CDCA8: variants seen among roughly 807,000 people sequenced by gnomAD.
CDCA8 encodes cell division cycle associated 8, also known as borealin.
In CDCA8, 25 loss-of-function variants were observed where a neutral mutation model predicts 40.0. The observed-to-expected ratio is 0.63, with a 90% CI of 0.46 to 0.87. The LOEUF (loss-of-function observed/expected upper bound fraction) is 0.87. CDCA8 is among the 40% of genes least tolerant of loss of function. CDCA8 has a pLI of 0.00. For missense variants in CDCA8, 280 were observed against 348.4 expected (o/e 0.80, Z 1.56); for synonymous variants, 111 against 126.5 (o/e 0.88, Z 0.82).
At chr1:37,699,322 A>G (rs79898643) in intron 4 of CDCA8, among the ~76,000 whole-genome samples, 3,298 of 152,300 alleles carry the variant, frequency 0.022, 129 homozygotes, top group East Asian at 0.14. Context: ...AATAGATGAC[A>G]AGATTTAGAG....
chr1:37,704,041 C>T (rs925035775), intron 7 of CDCA8, among the ~76,000 whole-genome samples: 5 of 152,126 alleles, frequency 3.3e-5, no homozygotes, highest in Admixed American at 2.0e-4. Flanking sequence ...GCAACCTTGA[C>T]TTCCCGGGCT....
At chr1:37,705,393 G>T in intron 7 of CDCA8, 48 bp from the exon 8 acceptor site, 1 of 1,596,698 alleles carries the variant, frequency 6.3e-7, no homozygotes, top group East Asian at 2.2e-5. Context: ...ATAGAGTTTG[G>T]TGTCATCCAA....
At chr1:37,706,724 G>A (rs545746515) in intron 8 of CDCA8, among the ~76,000 whole-genome samples, 2 of 152,358 alleles carry the variant, frequency 1.3e-5, no homozygotes, top group Admixed American at 6.5e-5. Flanking sequence ...AGGGGAGGAC[G>A]GTTTGTTTCA....
intron 2 of CDCA8, among the ~76,000 whole-genome samples, chr1:37,695,172 A>G (rs1030314233): frequency 1.3e-5 from 2 of 151,916 alleles, no homozygotes; most frequent in Non-Finnish European, 2.9e-5. Flanking sequence ...GCAACATAAC[A>G]AGACCATATC....
rs1645556413 is a variant in CDCA8 at position 37,700,476 on chromosome 1, G to A, written c.378G>A (p.Glu126=). Residue 126 remains glutamate, a synonymous_variant, in exon 5 of 10, where the codon GAG becomes GAA. Coordinates refer to ENST00000373055, the MANE Select transcript of CDCA8 (RefSeq NM_001256875.2). ...VIQVDEMIVE[E]EEEEENERKN... ...AGGTAGATGAAATGATAGTGGAAGA[G>A]GAAGAAGAAGAAGAAAATGAACGTA... is the stretch of plus-strand genomic sequence containing the variant. 2 of 1,611,236 alleles carry A rather than the reference G, an allele frequency of 1.2e-6. No individual in the cohort carries two copies. Among genetic ancestry groups the A allele is most frequent in the Non-Finnish European group, 1.7e-6 (2 of 1,177,566 alleles).
intron 4 of CDCA8, among the ~76,000 whole-genome samples, chr1:37,700,147 C>T (rs1645554192): frequency 6.6e-6 from 1 of 152,110 alleles, no homozygotes; most frequent in South Asian, 2.1e-4. Flanking sequence ...AACATCCTGA[C>T]CCATGGCCAG....
At position 37,703,357 on chromosome 1, in the gene CDCA8, G is replaced by A. The variant is rs201317686; in HGVS notation, c.584+10G>A. On this transcript the variant is annotated intron_variant, in intron 7 of 9. Coordinates refer to ENST00000373055, the MANE Select transcript of CDCA8 (RefSeq NM_001256875.2). ...CCAGGTTTGACTCAAGGTGAGTATC[G>A]AGGGAAACACTTGGATTTGATGGGA... The A allele has an allele frequency of 1.9e-5, 31 of 1,591,630 alleles. No homozygotes were observed. The East Asian group carries it at 2.5e-4, about 13-fold the overall frequency.
Position 37,700,422 on chromosome 1 carries a change from A to G in CDCA8, c.338-14A>G. 6.5e-7 allele frequency: 1 copy of G among 1,528,442 alleles called. No homozygotes were observed. 94.7% of individuals were successfully genotyped at this position (1,528,442 alleles called of 1,614,324 possible). A position where few individuals can be genotyped will look rare whatever the true frequency, so the allele number is the denominator to read the frequency against. ...TCATCAGAAATACCACCCTGTTGAA[A>G]CTGTTTCTTACAGCACGAAAGGTAA... is the stretch of plus-strand genomic sequence containing the variant. On this transcript the variant is annotated splice_polypyrimidine_tract_variant and intron_variant, in intron 4 of 9. Coordinates refer to ENST00000373055, the MANE Select transcript of CDCA8 (RefSeq NM_001256875.2).
At chr1:37,705,975 A>G (rs1464291853) in intron 8 of CDCA8, among the ~76,000 whole-genome samples, 1 of 150,490 alleles carries the variant, frequency 6.6e-6, no homozygotes, top group Non-Finnish European at 1.5e-5. Context: ...ATGCCCAGCT[A>G]ACTTTTGTAT....
chr1:37,699,658 G>A (rs1324667063), intron 4 of CDCA8, among the ~76,000 whole-genome samples: 3 of 152,074 alleles, frequency 2.0e-5, no homozygotes, highest in South Asian at 4.1e-4. Context: ...GGTGGCTCAC[G>A]CCTGTAATCC....
At chr1:37,706,021 G>A (rs1645598100) in intron 8 of CDCA8, among the ~76,000 whole-genome samples, 1 of 151,366 alleles carries the variant, frequency 6.6e-6, no homozygotes, top group Admixed American at 6.6e-5. Flanking sequence ...ACGTTGGCCA[G>A]GATGGTCTCG....
intron 2 of CDCA8, among the ~76,000 whole-genome samples, chr1:37,693,677 G>C (rs1255229275): frequency 2.0e-5 from 3 of 152,118 alleles, no homozygotes; most frequent in Non-Finnish European, 4.4e-5. Flanking sequence ...GGGATTACAG[G>C]AGTCAGCCAC....
intron 7 of CDCA8, 64 bp downstream of exon 7, chr1:37,703,411 G>A (rs955719921): frequency 8.2e-7 from 1 of 1,217,368 alleles, no homozygotes; most frequent in African/African-American, 1.5e-5. Flanking sequence ...CCCAGAGAAG[G>A]AGTGTCTAAG....
intron 4 of CDCA8, among the ~76,000 whole-genome samples, chr1:37,700,149 C>T (rs990851561): frequency 1.3e-5 from 2 of 152,146 alleles, no homozygotes; most frequent in Admixed American, 6.5e-5. Flanking sequence ...CATCCTGACC[C>T]ATGGCCAGGA....
intron 3 of CDCA8, among the ~76,000 whole-genome samples, chr1:37,698,488 A>G (rs1180802815): frequency 6.6e-6 from 1 of 152,262 alleles, no homozygotes; most frequent in African/African-American, 2.4e-5. Context: ...AAAACAGCCA[A>G]AACCAAACAA....
rs1455522841 is a variant in CDCA8, at chr1:37,692,841, G to C, written c.94+57G>C. The C allele has an allele frequency of 1.6e-5, 26 of 1,612,584 alleles. No homozygotes were observed. In the East Asian group the frequency reaches 5.6e-4, roughly 35 times the overall value. On this transcript the variant is annotated intron_variant, in intron 1 of 9. Transcript: ENST00000373055. ...GCGGTCGCGGGATGCTGGCGGGTGG[G>C]GACACGAGCTGCACAGATTCGCCCG...
At chr1:37,695,040 G>T (rs11264086) in intron 2 of CDCA8, among the ~76,000 whole-genome samples, 127 of 152,214 alleles carry the variant, frequency 8.3e-4, no homozygotes, top group African/African-American at 2.9e-3. Context: ...TCTACACTTT[G>T]CAGCAAACTG....
At chr1:37,700,389 C>A (rs746750958) in intron 4 of CDCA8, 47 bp from the exon 5 acceptor site, 1 of 1,171,422 alleles carries the variant, frequency 8.5e-7, no homozygotes. Context: ...ATGCACAAAA[C>A]TTTATTTTCA....
intron 4 of CDCA8, among the ~76,000 whole-genome samples, chr1:37,699,899 G>A (rs1195093946): frequency 1.3e-5 from 2 of 151,270 alleles, no homozygotes; most frequent in Non-Finnish European, 2.9e-5. Flanking sequence ...TAGCCTGGGC[G>A]ATAGAGCGAG....
Sources: allele counts gnomAD v4.1 joint callset (sites outside exome capture counted in the v4.1 genomes callset), GRCh38; gene constraint gnomAD v4.1.1; transcripts MANE v1.5; gene names NCBI Gene and HGNC (gene_info 2026-07-23, HGNC 2026-07-21).